The following MND1 variants were observed in gnomAD, a reference collection of about 807,000 sequenced individuals.
MND1 encodes the protein meiotic nuclear division protein 1 homolog.
A neutral mutation model predicts 35.1 loss-of-function variants in MND1; 28 were observed. The ratio of observed to expected loss-of-function variants is 0.80; its 90% CI spans 0.59 to 1.09. The LOEUF is 1.09. MND1 is among the 50% of genes least tolerant of loss of function. The probability of loss-of-function intolerance (pLI) is 0.00; values close to 1 mark genes in which losing one functional copy is unlikely to be tolerated. For missense variants in MND1, 213 were observed against 239.6 expected, an observed-to-expected ratio of 0.89 and a Z score of 0.73; for synonymous variants, 69 against 70.5, an observed-to-expected ratio of 0.98 and a Z score of 0.11.
At chr4:153,344,823 G>GCGTTGA in intron 1 of MND1, 83 bp downstream of exon 1, 1 of 1,549,938 alleles carries the variant, frequency 6.5e-7, no homozygotes. Context: ...GTGGATCCCG[G>GCGTTGA]CCTGGCGTTG....
chr4:153,381,999 A>G (rs1728723208), intron 4 of MND1: 1 of 151,812 alleles, frequency 6.6e-6, no homozygotes. Flanking sequence ...CTACAGGTGC[A>G]CACCACCACA....
At chr4:153,386,730 C>A (rs527554256) in intron 4 of MND1, among the ~76,000 whole-genome samples, 20 of 151,294 alleles carry the variant, frequency 1.3e-4, no homozygotes, top group African/African-American at 2.9e-4. Context: ...ACAACAACAA[C>A]AAAAAAGAAA....
At chr4:153,350,562 C>G (rs971601117) in intron 2 of MND1, among the ~76,000 whole-genome samples, 2 of 152,280 alleles carry the variant, frequency 1.3e-5, no homozygotes, top group East Asian at 3.9e-4. Flanking sequence ...CATTTTAAGT[C>G]TGTCTATAGT....
At chr4:153,367,880 G>C (rs1773695744) in intron 4 of MND1, among the ~76,000 whole-genome samples, 1 of 152,220 alleles carries the variant, frequency 6.6e-6, no homozygotes, top group East Asian at 1.9e-4. Context: ...CATCCTTGTG[G>C]GTATGAAGTG....
chr4:153,369,243 A>ATG (rs1773733166), intron 4 of MND1, among the ~76,000 whole-genome samples: 1 of 152,206 alleles, frequency 6.6e-6, no homozygotes, highest in Non-Finnish European at 1.5e-5. Flanking sequence ...AAGCAAGCTC[A>ATG]TGTGTGAGAG....
intron 1 of MND1, among the ~76,000 whole-genome samples, chr4:153,347,156 G>A (rs1773094795): frequency 1.3e-5 from 2 of 152,060 alleles, no homozygotes; most frequent in African/African-American, 4.8e-5. Flanking sequence ...AGGACCTATT[G>A]GACTAGAAAA....
At chr4:153,352,925 C>A (rs1773251524) in intron 2 of MND1, among the ~76,000 whole-genome samples, 2 of 152,226 alleles carry the variant, frequency 1.3e-5, no homozygotes, top group Middle Eastern at 3.4e-3. Flanking sequence ...ACTTCAATGA[C>A]CGCACTTGAG....
At position 153,413,426 on chromosome 4, in the gene MND1, T is replaced by A. The variant is rs573205903; in HGVS notation, c.512-1325T>A. On this transcript the variant is annotated intron_variant, in intron 7 of 7. Transcript: ENST00000240488. Reference sequence around the variant, plus strand: ...TGGACACGGTGGCTCACACTTGTAATCCCAGCATTTTGGGAGGCCGAGGTG... The same window carrying A: ...TGGACACGGTGGCTCACACTTGTAAACCCAGCATTTTGGGAGGCCGAGGTG... Among the ~76,000 whole-genome samples, 19 of 152,284 alleles carry A rather than the reference T, an allele frequency of 1.2e-4. No homozygotes were observed. The South Asian group carries it at 3.1e-3, about 25-fold the overall frequency.
chr4:153,350,992 C>T (rs916405104), intron 2 of MND1, among the ~76,000 whole-genome samples: 1 of 149,646 alleles, frequency 6.7e-6, no homozygotes, highest in Non-Finnish European at 1.5e-5. Flanking sequence ...ACGGGATTTG[C>T]CCACTAAGTA....
chr4:153,390,682 C>CA (rs886598860), intron 4 of MND1, among the ~76,000 whole-genome samples: 2 of 151,510 alleles, frequency 1.3e-5, no homozygotes, highest in South Asian at 2.1e-4. Flanking sequence ...TTCATCTCTA[C>CA]AAAAAAAATA....
intron 2 of MND1, among the ~76,000 whole-genome samples, chr4:153,351,095 CTA>C (rs893518487): frequency 3.3e-5 from 5 of 152,138 alleles, no homozygotes; most frequent in East Asian, 1.9e-4. Context: ...GGTGAAGTCT[CTA>C]TGTGAAAATT....
intron 4 of MND1, among the ~76,000 whole-genome samples, chr4:153,368,417 A>G (rs920768523): frequency 6.6e-6 from 1 of 152,228 alleles, no homozygotes; most frequent in Non-Finnish European, 1.5e-5. Context: ...ACACTTTGTT[A>G]AAGGATAGTG....
chr4:153,350,254 G>A lies in MND1; in HGVS notation c.69+125G>A, dbSNP rs1773182076. On this transcript the variant is annotated intron_variant, in intron 2 of 7. Transcript: ENST00000240488. ...GATCAATTTCTTGAAGAATGGGTAA[G>A]ATTCTGCAAATATTTGTGGTTCCTG... The A allele has an allele frequency of 4.6e-6, 3 of 647,906 alleles. No individual in the cohort carries two copies. The Admixed American group carries it at 9.7e-5, about 21-fold the overall frequency. The allele number at this position is 647,906 out of a possible 1,614,324, so 40.1% of individuals were successfully genotyped here. A position where few individuals can be genotyped will look rare whatever the true frequency, so the allele number is the denominator to read the frequency against.
intron 4 of MND1, among the ~76,000 whole-genome samples, chr4:153,367,675 A>G (rs1773690810): frequency 1.3e-5 from 2 of 152,142 alleles, no homozygotes; most frequent in Non-Finnish European, 2.9e-5. Context: ...GTGTGGACAT[A>G]TGTTTTCATT....
At position 153,358,496 on chromosome 4, in the gene MND1, C is replaced by G; in HGVS notation, c.150C>G (p.Val50=). Residue 50 remains valine, a synonymous_variant, in exon 4 of 8, where the codon GTC becomes GTG. Coordinates refer to ENST00000240488, the MANE Select transcript of MND1 (RefSeq NM_032117.4). ...KGITAMSVKE[V]LQSLVDDGMV... is the part of the protein sequence containing the mutation. ...TAGCTGCTATGTCAGTAAAAGAAGT[C>G]CTTCAAAGCTTAGTTGATGATGGTA... is the stretch of plus-strand genomic sequence containing the variant. 6.2e-7 allele frequency: 1 copy of G among 1,602,904 alleles called. No individual in the cohort carries two copies. Among genetic ancestry groups the G allele is most frequent in the Non-Finnish European group, 8.5e-7 (1 of 1,174,914 alleles).
At chr4:153,359,779 C>CTT (rs34112305) in intron 4 of MND1, among the ~76,000 whole-genome samples, 492 of 61,784 alleles carry the variant, frequency 8.0e-3, no homozygotes, top group Middle Eastern at 0.033. Flanking sequence ...TTTGGAAGAT[C>CTT]TTTTTTTTTT....
intron 4 of MND1, among the ~76,000 whole-genome samples, chr4:153,393,247 T>A (rs1409708353): frequency 6.6e-6 from 1 of 152,156 alleles, no homozygotes; most frequent in African/African-American, 2.4e-5. Context: ...AGTGACAAAT[T>A]TATTATTGAC....
At chr4:153,403,381 G>T (rs911292911) in intron 6 of MND1, among the ~76,000 whole-genome samples, 3 of 152,186 alleles carry the variant, frequency 2.0e-5, no homozygotes, top group Non-Finnish European at 4.4e-5. Context: ...AGCAAAGACG[G>T]CTGAGCCCTT....
chr4:153,407,512 C>CTTA (rs1211072790), intron 6 of MND1, among the ~76,000 whole-genome samples: 1 of 152,094 alleles, frequency 6.6e-6, no homozygotes, highest in African/African-American at 2.4e-5. Flanking sequence ...GACTGGAACT[C>CTTA]TTAGATTGCT....
Sources: allele counts gnomAD v4.1 joint callset (sites outside exome capture counted in the v4.1 genomes callset), GRCh38; gene constraint gnomAD v4.1.1; transcripts MANE v1.5; gene names NCBI Gene and HGNC (gene_info 2026-07-23, HGNC 2026-07-21).